The following IRAG2 variants were observed in gnomAD, a reference collection of about 807,000 sequenced individuals.
The protein encoded by IRAG2 is inositol 1,4,5-triphosphate receptor associated 2.
IRAG2 carries 45 observed loss-of-function variants against 69.9 expected under a neutral mutation model. The observed-to-expected ratio is 0.64, with a 90% CI of 0.51 to 0.83. IRAG2 has a LOEUF of 0.83. Ranked by LOEUF, IRAG2 falls within the 40% of genes least tolerant of loss-of-function variation. The probability of loss-of-function intolerance (pLI) is 0.00; values close to 1 mark genes in which losing one functional copy is unlikely to be tolerated. For synonymous variants in IRAG2, 193 were observed against 202.4 expected (o/e 0.95, Z 0.40); for missense variants, 520 against 587.0 (o/e 0.89, Z 1.18).
At chr12:25,063,640 C>T (rs1356369234) in intron 3 of IRAG2, 80 bp from the exon 4 acceptor site, 2 of 398,026 alleles carry the variant, frequency 5.0e-6, no homozygotes, top group Non-Finnish European at 8.9e-6. Flanking sequence ...ATTCTTTCCA[C>T]CTTTGAAATG....
rs768184447 is a variant in IRAG2 at position 25,102,242 on chromosome 12, G to A, written c.933+1G>A. On this transcript the variant is annotated splice_donor_variant, in intron 17 of 21. Coordinates refer to ENST00000556887, the MANE Select transcript of IRAG2 (RefSeq NM_001366544.2). LOFTEE classifies it high-confidence loss of function. The stretch of plus-strand genomic sequence containing the variant: ...ACGTTCAGCTTCTCTAAACTCCAAG[G>A]TAATTACTAATTCACTTAACAAATG... The A allele has an allele frequency of 5.6e-6, 9 of 1,610,956 alleles. No individual in the cohort carries two copies. Among genetic ancestry groups the A allele is most frequent in the Non-Finnish European group, 7.6e-6 (9 of 1,178,044 alleles).
intron 15 of IRAG2, among the ~76,000 whole-genome samples, chr12:25,099,965 A>AAGAT (rs1948650949): frequency 8.0e-6 from 1 of 124,274 alleles, no homozygotes; most frequent in South Asian, 2.9e-4. Flanking sequence ...GTGCCATTGC[A>AAGAT]CTCCAGCCTG....
chr12:25,107,885 G>A lies in IRAG2; in HGVS notation c.1325G>A (p.Trp442Ter). Reference protein sequence around the residue: ...SSIRKANKALWLSIAFIVLFA... With the variant: ...SSIRKANKAL Reference sequence around the variant, plus strand: ...ATCAGAAAGGCTAATAAGGCCCTCTGGCTCTCTATTGCATTCATTGTACTG... The same window carrying A: ...ATCAGAAAGGCTAATAAGGCCCTCTAGCTCTCTATTGCATTCATTGTACTG... Residue 442 changes from tryptophan (W) to a stop codon, truncating the protein, a stop_gained, in exon 22 of 22, where the codon TGG (tryptophan) becomes TAG (stop). Transcript: ENST00000556887. LOFTEE classifies it high-confidence loss of function. 6.2e-7 allele frequency: 1 copy of A among 1,614,152 alleles called. No homozygotes were observed. The highest frequency in any genetic ancestry group is 8.5e-7 in the Non-Finnish European group (1 of 1,179,996).
intron 16 of IRAG2, among the ~76,000 whole-genome samples, chr12:25,039,453 C>T (rs768132136): frequency 5.3e-5 from 8 of 152,106 alleles, no homozygotes; most frequent in East Asian, 1.9e-4. Context: ...TTTTTTGAGA[C>T]GAAGTCTCGC....
chr12:25,048,799 G>A (rs111306336), upstream of IRAG2, among the ~76,000 whole-genome samples: 957 of 152,216 alleles, frequency 6.3e-3, 9 homozygotes, highest in African/African-American at 0.021. Context: ...TGCTTTTGTT[G>A]CAATTGCTTC....
At chr12:25,025,181 AAG>A (rs1460399255) in intron 8 of IRAG2, among the ~76,000 whole-genome samples, 1 of 152,220 alleles carries the variant, frequency 6.6e-6, no homozygotes, top group Non-Finnish European at 1.5e-5. Flanking sequence ...AGACGGTAAA[AAG>A]AGCTATAGAG....
chr12:24,997,650 T>C, the IRAG2 span: 1 of 154,244 alleles, frequency 6.5e-6, no homozygotes, highest in Non-Finnish European at 1.4e-5. Context: ...AATTAAATTT[T>C]GGCTGATGCT....
chr12:25,078,703 G>A (rs1207066556), intron 6 of IRAG2, among the ~76,000 whole-genome samples: 2 of 152,182 alleles, frequency 1.3e-5, no homozygotes, highest in Non-Finnish European at 2.9e-5. Context: ...CTGGCAGGCT[G>A]GGACTATAAT....
At chr12:25,036,363 T>C (rs1944702159) in intron 14 of IRAG2, among the ~76,000 whole-genome samples, 1 of 152,206 alleles carries the variant, frequency 6.6e-6, no homozygotes. Flanking sequence ...TGGAAAATGA[T>C]TCTCTCTGTA....
At chr12:25,019,532 C>T (rs1944560900) in intron 6 of IRAG2, among the ~76,000 whole-genome samples, 1 of 152,202 alleles carries the variant, frequency 6.6e-6, no homozygotes, top group Non-Finnish European at 1.5e-5. Context: ...CTCTGATGTC[C>T]AGCTGCCTCT....
chr12:25,067,065 C>T (rs1324703620), intron 5 of IRAG2, among the ~76,000 whole-genome samples: 5 of 152,152 alleles, frequency 3.3e-5, no homozygotes, highest in African/African-American at 1.2e-4. Context: ...ATTAGACTAC[C>T]TAAAATGTTT....
chr12:25,065,472 T>G (rs980212466), intron 4 of IRAG2, among the ~76,000 whole-genome samples: 2 of 152,238 alleles, frequency 1.3e-5, no homozygotes, highest in Non-Finnish European at 2.9e-5. Context: ...AATAAATGAT[T>G]TGTGATCTCA....
At chr12:25,017,167 C>T (rs952175295) in exon 6 of IRAG2, 11 of 1,231,756 alleles carry the variant, frequency 8.9e-6, no homozygotes, top group Non-Finnish European at 1.1e-5. Flanking sequence ...ACGTAGCAGA[C>T]CTTCATTTCA....
intron 8 of IRAG2, among the ~76,000 whole-genome samples, chr12:25,025,508 C>T (rs892315887): frequency 6.7e-6 from 1 of 150,364 alleles, no homozygotes; most frequent in Non-Finnish European, 1.5e-5. Context: ...TTTTTTAAAA[C>T]AAAACAAAAC....
chr12:25,036,532 A>T (rs1289382945), intron 14 of IRAG2: 2 of 398,332 alleles, frequency 5.0e-6, no homozygotes, highest in East Asian at 3.6e-5. Context: ...ATGGATTCTG[A>T]TTATATAATA....
chr12:25,090,833 C>G, intron 14 of IRAG2: 4 of 454,372 alleles, frequency 8.8e-6, no homozygotes, highest in South Asian at 6.2e-5. Context: ...AGGAATCATA[C>G]AGAAAACTGA....
At chr12:25,061,734 A>G (rs1422058103) in intron 2 of IRAG2, 81 bp downstream of exon 2, 4 of 397,936 alleles carry the variant, frequency 1.0e-5, no homozygotes, top group Non-Finnish European at 1.8e-5. Context: ...AATTTATAAC[A>G]GACAATGACT....
intron 9 of IRAG2, among the ~76,000 whole-genome samples, chr12:25,082,790 G>A (rs969378397): frequency 6.6e-6 from 1 of 152,116 alleles, no homozygotes; most frequent in Admixed American, 6.6e-5. Flanking sequence ...AACAAAACCT[G>A]CCTGTATCTG....
upstream of IRAG2, among the ~76,000 whole-genome samples, chr12:25,048,895 G>T (rs1472205498): frequency 2.0e-5 from 3 of 152,054 alleles, no homozygotes; most frequent in Non-Finnish European, 4.4e-5. Context: ...TATAGTTTTG[G>T]GTTTTACACT....
Sources: gnomAD v4.1 joint callset for allele counts (sites outside exome capture counted in the v4.1 genomes callset) on GRCh38, gnomAD v4.1.1 for gene constraint, MANE v1.5 for transcripts, NCBI Gene and HGNC (gene_info 2026-07-23, HGNC 2026-07-21) for gene names.